The following MLIP variants were observed in gnomAD, a reference collection of about 807,000 sequenced individuals.
MLIP encodes muscular LMNA-interacting protein.
MLIP carries 79 observed loss-of-function variants against 84.8 expected under a neutral mutation model. The observed-to-expected ratio is 0.93, with a 90% confidence interval of 0.78 to 1.12. The LOEUF (loss-of-function observed/expected upper bound fraction) is 1.12. Ranked by LOEUF, MLIP falls within the 50% of genes most tolerant of loss-of-function variation. The pLI is 0.00. For synonymous variants in MLIP, 504 were observed against 463.0 expected (o/e 1.09, Z -1.14); for missense variants, 1,257 against 1,160.6 (o/e 1.08, Z -1.21).
intron 1 of MLIP, among the ~76,000 whole-genome samples, chr6:54,058,743 A>G (rs984801903): frequency 8.5e-5 from 13 of 152,218 alleles, no homozygotes; most frequent in Non-Finnish European, 1.5e-4. Context: ...CATACATCAT[A>G]CAAAAAATTG....
At chr6:54,252,528 T>G (rs1782708242) in intron 12 of MLIP, among the ~76,000 whole-genome samples, 1 of 143,984 alleles carries the variant, frequency 6.9e-6, no homozygotes, top group African/African-American at 2.5e-5. Flanking sequence ...TAATATATAA[T>G]ATAGATAATG....
At chr6:54,105,671 A>AG (rs746058834) in intron 1 of MLIP, among the ~76,000 whole-genome samples, 3 of 152,140 alleles carry the variant, frequency 2.0e-5, no homozygotes, top group Non-Finnish European at 2.9e-5. Context: ...GAGTGCTGGC[A>AG]GGGGGGCAGG....
chr6:54,152,589 C>T (rs1000103848), intron 5 of MLIP, among the ~76,000 whole-genome samples: 2 of 152,150 alleles, frequency 1.3e-5, no homozygotes, highest in African/African-American at 4.8e-5. Flanking sequence ...ATTCAGTTAC[C>T]TCCCTCTGGG....
At chr6:54,192,905 A>C (rs1188515931) in intron 10 of MLIP, among the ~76,000 whole-genome samples, 1 of 152,222 alleles carries the variant, frequency 6.6e-6, no homozygotes, top group Non-Finnish European at 1.5e-5. Flanking sequence ...ATATATGACA[A>C]AGTGCTATGG....
At chr6:54,150,411 C>G (rs1192170087) in intron 5 of MLIP, among the ~76,000 whole-genome samples, 1 of 152,096 alleles carries the variant, frequency 6.6e-6, no homozygotes, top group Non-Finnish European at 1.5e-5. Flanking sequence ...TTCCATTGCC[C>G]CTTATTCCAC....
chr6:54,199,964 G>T (rs1251618203), intron 10 of MLIP, among the ~76,000 whole-genome samples: 1 of 152,114 alleles, frequency 6.6e-6, no homozygotes. Flanking sequence ...TGGAAAATCT[G>T]GTAGAGTGGA....
At chr6:54,252,408 A>G (rs1253311310) in intron 12 of MLIP, among the ~76,000 whole-genome samples, 3 of 103,602 alleles carry the variant, frequency 2.9e-5, no homozygotes, top group Non-Finnish European at 3.7e-5. Context: ...ATATAATATA[A>G]CTATAGTATA....
intron 1 of MLIP, among the ~76,000 whole-genome samples, chr6:54,104,548 G>T: frequency 6.6e-6 from 1 of 152,082 alleles, no homozygotes; most frequent in African/African-American, 2.4e-5. Context: ...TTGTGCAACT[G>T]CTGTTAGCAC....
At position 54,034,371 on chromosome 6, in the gene MLIP, T is replaced by C. The variant is rs1274099901; in HGVS notation, c.63+15280T>C. Among the ~76,000 whole-genome samples, 4 of 152,288 alleles carry C rather than the reference T, an allele frequency of 2.6e-5. 1 individual carries two copies. The highest frequency in any genetic ancestry group is 7.2e-5 in the African/African-American group (3 of 41,556). On this transcript the variant is annotated intron_variant, in intron 1 of 12. Coordinates refer to the MLIP transcript ENST00000274897. ...TAAATGAAATTTTGCAGTGCAGTCA[T>C]GTGCTGTATGATGATGTTTTGGTCA...
intron 8 of MLIP, among the ~76,000 whole-genome samples, chr6:54,168,163 A>C (rs1775388860): frequency 6.6e-6 from 1 of 151,878 alleles, no homozygotes; most frequent in Non-Finnish European, 1.5e-5. Context: ...CAACATTCTC[A>C]GAGGAGAAAA....
At chr6:54,265,614 A>AGGGTGT (rs539526843) in intron 13 of MLIP, among the ~76,000 whole-genome samples, 5 of 152,070 alleles carry the variant, frequency 3.3e-5, no homozygotes, top group South Asian at 2.1e-4. Context: ...AAGTCATGGA[A>AGGGTGT]GGGTGTGGGT....
intron 1 of MLIP, among the ~76,000 whole-genome samples, chr6:54,079,905 G>A (rs530503301): frequency 1.8e-4 from 27 of 152,108 alleles, no homozygotes; most frequent in African/African-American, 6.3e-4. Context: ...TCCAACTACC[G>A]CTCCACAAAA....
chr6:54,168,613 G>A (rs1401449477), intron 8 of MLIP, among the ~76,000 whole-genome samples: 2 of 151,770 alleles, frequency 1.3e-5, no homozygotes, highest in Admixed American at 6.6e-5. Flanking sequence ...ACACACAGTA[G>A]ATACACAAAT....
chr6:54,023,332 A>C (rs1763616292), intron 1 of MLIP, among the ~76,000 whole-genome samples: 1 of 151,846 alleles, frequency 6.6e-6, no homozygotes, highest in Non-Finnish European at 1.5e-5. Context: ...AGATTGAGAA[A>C]GAAAACAGGT....
intron 1 of MLIP, chr6:54,047,391 A>G (rs1398332117): frequency 6.6e-6 from 1 of 152,220 alleles, no homozygotes; most frequent in Non-Finnish European, 1.5e-5. Flanking sequence ...GCTTCTGCCA[A>G]TTTAATTTAT....
intron 1 of MLIP, among the ~76,000 whole-genome samples, chr6:54,100,953 G>T (rs1041300268): frequency 6.6e-6 from 1 of 152,098 alleles, no homozygotes; most frequent in African/African-American, 2.4e-5. Context: ...AGTGTAATTT[G>T]CTCCACCTAC....
chr6:54,079,798 C>G (rs1376826247), intron 1 of MLIP: 1 of 152,244 alleles, frequency 6.6e-6, no homozygotes, highest in Non-Finnish European at 1.5e-5. Flanking sequence ...CTCCCCATTC[C>G]TCCTTTATTG....
At chr6:54,077,348 A>G (rs896382724) in intron 1 of MLIP, among the ~76,000 whole-genome samples, 63 of 152,054 alleles carry the variant, frequency 4.1e-4, no homozygotes, top group Admixed American at 4.1e-3. Context: ...AAATGGAAGG[A>G]TAAGGCTGTT....
intron 9 of MLIP, among the ~76,000 whole-genome samples, chr6:54,185,656 A>G (rs534267500): frequency 6.6e-6 from 1 of 152,248 alleles, no homozygotes; most frequent in South Asian, 2.1e-4. Flanking sequence ...CTTTCCTATA[A>G]TTATTGAGGT....
Sources: allele counts gnomAD v4.1 joint callset (sites outside exome capture counted in the v4.1 genomes callset), GRCh38; gene constraint gnomAD v4.1.1; transcripts MANE v1.5; gene names NCBI Gene and HGNC (gene_info 2026-07-23, HGNC 2026-07-21).